IFT88: variants seen among roughly 807,000 people sequenced by gnomAD.
The protein encoded by IFT88 is intraflagellar transport protein 88 homolog.
A neutral mutation model predicts 119.5 loss-of-function variants in IFT88; 74 were observed. The ratio of observed to expected loss-of-function variants is 0.62; its 90% CI spans 0.51 to 0.75. The LOEUF is 0.75. Among genes scored for constraint, IFT88 ranks in the 30% least tolerant of loss-of-function variants. IFT88 has a pLI of 0.00. For missense variants in IFT88, 961 were observed against 977.7 expected, an observed-to-expected ratio of 0.98 and a Z score of 0.23; for synonymous variants, 279 against 316.7, an observed-to-expected ratio of 0.88 and a Z score of 1.26.
At chr13:20,646,842 A>T (rs1373132525) in intron 20 of IFT88, among the ~76,000 whole-genome samples, 1 of 148,818 alleles carries the variant, frequency 6.7e-6, no homozygotes, top group Non-Finnish European at 1.5e-5. Context: ...CTTTCTTGCT[A>T]ACATTCCTGT....
intron 14 of IFT88, among the ~76,000 whole-genome samples, chr13:20,617,965 T>C (rs2045900600): frequency 6.6e-6 from 1 of 152,150 alleles, no homozygotes; most frequent in Non-Finnish European, 1.5e-5. Flanking sequence ...TTTGTATTTT[T>C]AGTAGAGACA....
At chr13:20,619,064 G>A (rs2046101964) in intron 14 of IFT88, among the ~76,000 whole-genome samples, 1 of 151,996 alleles carries the variant, frequency 6.6e-6, no homozygotes, top group South Asian at 2.1e-4. Context: ...CACCGTGTTA[G>A]CCAGGATGGT....
At chr13:20,647,753 AAG>A (rs2050964663) in intron 20 of IFT88, among the ~76,000 whole-genome samples, 1 of 152,150 alleles carries the variant, frequency 6.6e-6, no homozygotes, top group African/African-American at 2.4e-5. Context: ...CCAAAAGGGG[AAG>A]AGAGAGGAAA....
At chr13:20,613,649 C>T (rs1477934801) in intron 13 of IFT88, among the ~76,000 whole-genome samples, 1 of 147,050 alleles carries the variant, frequency 6.8e-6, no homozygotes, top group Non-Finnish European at 1.5e-5. Context: ...TGATATTATT[C>T]ATAATATCGA....
At chr13:20,601,353 G>A (rs1195498647) in intron 11 of IFT88, among the ~76,000 whole-genome samples, 1 of 105,756 alleles carries the variant, frequency 9.5e-6, no homozygotes, top group African/African-American at 3.5e-5. Flanking sequence ...GCAACAGAGA[G>A]AGACCCTGTC....
At chr13:20,605,547 G>T (rs540396681) in intron 13 of IFT88, among the ~76,000 whole-genome samples, 2 of 151,998 alleles carry the variant, frequency 1.3e-5, no homozygotes, top group South Asian at 4.2e-4. Context: ...CTCTAATATG[G>T]TACTACAACT....
chr13:20,643,333 G>A, intron 18 of IFT88, 122 bp from the exon 19 acceptor site: 2 of 706,418 alleles, frequency 2.8e-6, no homozygotes, highest in Non-Finnish European at 4.6e-6. Context: ...ATATCCAGAG[G>A]AAACAGTATA....
intron 2 of IFT88, among the ~76,000 whole-genome samples, chr13:20,581,243 G>A (rs1020719185): frequency 6.6e-6 from 1 of 152,144 alleles, no homozygotes; most frequent in Non-Finnish European, 1.5e-5. Flanking sequence ...TGCAGCAGTG[G>A]CTTAAGATAT....
At chr13:20,685,209 T>A (rs1269468004) in intron 24 of IFT88, among the ~76,000 whole-genome samples, 1 of 152,324 alleles carries the variant, frequency 6.6e-6, no homozygotes, top group East Asian at 1.9e-4. Context: ...CACAGGCTGC[T>A]CCTGCTATTG....
intron 17 of IFT88, among the ~76,000 whole-genome samples, chr13:20,639,445 TCTC>T (rs1007970230): frequency 6.6e-6 from 1 of 152,128 alleles, no homozygotes; most frequent in African/African-American, 2.4e-5. Flanking sequence ...GACTCTTTAA[TCTC>T]CTGCCTGAAG....
chr13:20,596,969 T>G, intron 8 of IFT88, 46 bp from the exon 9 acceptor site: 1 of 1,067,770 alleles, frequency 9.4e-7, no homozygotes, highest in Non-Finnish European at 1.4e-6. Flanking sequence ...TGCATAAAAG[T>G]TGATGAACAC....
chr13:20,626,039 GTTTCTTTTT>G (rs1316388088), intron 15 of IFT88, among the ~76,000 whole-genome samples, 190 bp downstream of exon 15: 15 of 62,434 alleles, frequency 2.4e-4, no homozygotes, highest in Non-Finnish European at 4.3e-4. Context: ...CCTGTTTGTC[GTTTCTTTTT>G]TTTTTTTTTT....
chr13:20,628,565 A>T (rs549700621), intron 15 of IFT88, among the ~76,000 whole-genome samples: 71 of 152,318 alleles, frequency 4.7e-4, no homozygotes, highest in African/African-American at 1.4e-3. Context: ...TTTTAAAAAC[A>T]TATTTTATGT....
chr13:20,616,623 A>G (rs1416020833), intron 14 of IFT88, among the ~76,000 whole-genome samples: 1 of 152,214 alleles, frequency 6.6e-6, no homozygotes, highest in Admixed American at 6.5e-5. Context: ...CAATGATGAA[A>G]TTGCCTAATG....
chr13:20,580,724 CT>C (rs1162699940), intron 2 of IFT88, among the ~76,000 whole-genome samples: 77 of 122,724 alleles, frequency 6.3e-4, no homozygotes, highest in South Asian at 1.0e-3. Context: ...TTTCTTTTTT[CT>C]TTTTTTTTTT....
chr13:20,641,795 T>C, intron 18 of IFT88: 1 of 155,616 alleles, frequency 6.4e-6, no homozygotes, highest in Non-Finnish European at 1.4e-5. Context: ...TACTATTGAT[T>C]GAATTTGGAT....
chr13:20,672,363 AG>A (rs1260265240), intron 24 of IFT88, among the ~76,000 whole-genome samples: 1 of 152,144 alleles, frequency 6.6e-6, no homozygotes, highest in Non-Finnish European at 1.5e-5. Context: ...TGGAGAAATC[AG>A]TAAAAGCAGC....
intron 24 of IFT88, among the ~76,000 whole-genome samples, chr13:20,687,114 G>A (rs2058025111): frequency 6.7e-6 from 1 of 149,664 alleles, no homozygotes; most frequent in Non-Finnish European, 1.5e-5. Context: ...AGTATGCATT[G>A]CCTTGTAAAA....
intron 3 of IFT88, among the ~76,000 whole-genome samples, chr13:20,587,568 A>G (rs2039914702): frequency 6.6e-6 from 1 of 152,086 alleles, no homozygotes; most frequent in Non-Finnish European, 1.5e-5. Flanking sequence ...TACTGGTTCT[A>G]TTTTTAATGA....
Sources: allele counts gnomAD v4.1 joint callset (sites outside exome capture counted in the v4.1 genomes callset), GRCh38; gene constraint gnomAD v4.1.1; transcripts MANE v1.5; gene names NCBI Gene and HGNC (gene_info 2026-07-23, HGNC 2026-07-21).